OR4Q3: variants seen among roughly 807,000 people sequenced by gnomAD.
OR4Q3 encodes the protein olfactory receptor family 4 subfamily Q member 3.
Under a neutral mutation model 18.8 loss-of-function variants are expected in OR4Q3, and 17 were observed. The ratio of observed to expected loss-of-function variants is 0.91; its 90% CI spans 0.62 to 1.36. OR4Q3 has a LOEUF of 1.36. Ranked by LOEUF, OR4Q3 falls within the 40% of genes most tolerant of loss-of-function variation. The pLI is 0.00. For synonymous variants in OR4Q3, 158 were observed against 145.8 expected (o/e 1.08, Z -0.60); for missense variants, 378 against 373.4 (o/e 1.01, Z -0.10).
intron 1 of OR4Q3, among the ~76,000 whole-genome samples, chr14:19,745,778 G>A: frequency 0.13 from 19,254 of 149,582 alleles, 567 homozygotes; most frequent in South Asian, 0.23. Context: ...GAGCTCAAGT[G>A]AGGCTGTACA....
intron 1 of OR4Q3, among the ~76,000 whole-genome samples, chr14:19,744,726 C>T (rs1191687279): frequency 6.6e-6 from 1 of 152,160 alleles, no homozygotes; most frequent in Non-Finnish European, 1.5e-5. Context: ...TCTCATCTTA[C>T]TGCTAATGGG....
At chr14:19,747,814 C>T in exon 2 of OR4Q3, 1 of 1,613,932 alleles carries the variant, frequency 6.2e-7, no homozygotes, top group Non-Finnish European at 8.5e-7. Flanking sequence ...CCATCTGTAA[C>T]CCTTTGCGCT....
chr14:19,747,364 T>C, intron 1 of OR4Q3, 42 bp from the exon 2 acceptor site: 5 of 1,106,642 alleles, frequency 4.5e-6, no homozygotes, highest in Non-Finnish European at 6.6e-6. Context: ...CACATATATA[T>C]CTACCTTAAA....
chr14:19,747,219 A>C, intron 1 of OR4Q3, among the ~76,000 whole-genome samples, 187 bp from the exon 2 acceptor site: 19,108 of 149,350 alleles, frequency 0.13, 564 homozygotes, highest in South Asian at 0.23. Flanking sequence ...GCACTACAGG[A>C]ATAAAGAGTT....
downstream of OR4Q3, among the ~76,000 whole-genome samples, chr14:19,749,667 A>C: frequency 1.4e-5 from 2 of 146,302 alleles, no homozygotes; most frequent in African/African-American, 2.5e-5. Context: ...AATTAAGTTA[A>C]TATTTTATTT....
In OR4Q3 at chr14:19,745,080, C is replaced by T; in HGVS notation, c.2+1409C>T. Among the ~76,000 whole-genome samples, 893 of 152,106 alleles carry T rather than the reference C, an allele frequency of 5.9e-3. 2 individuals carry two copies. Among genetic ancestry groups the T allele is most frequent in the African/African-American group, 0.02 (809 of 41,434 alleles). On this transcript the variant is annotated intron_variant, in intron 1 of 1. Transcript: ENST00000642117. ...AGAATAACCAGAATCCAGCCCTTAC[C>T]TTGATTAAAACTCAAATAACTGACA...
chr14:19,749,810 C>A, downstream of OR4Q3, among the ~76,000 whole-genome samples: 1 of 119,652 alleles, frequency 8.4e-6, no homozygotes, highest in Non-Finnish European at 1.8e-5. Flanking sequence ...CTCTTTCTCT[C>A]TATTTCTTAG....
chr14:19,747,721 C>G, exon 2 of OR4Q3: 2 of 1,613,738 alleles, frequency 1.2e-6, no homozygotes, highest in Admixed American at 3.3e-5. Flanking sequence ...TTTCAGGATG[C>G]CTGGCCCAGA....
chr14:19,751,748 CT>C, downstream of OR4Q3, among the ~76,000 whole-genome samples: 2 of 149,132 alleles, frequency 1.3e-5, no homozygotes, highest in East Asian at 3.9e-4. Flanking sequence ...CATTTTTGTC[CT>C]TTTTGACTGT....
exon 2 of OR4Q3, chr14:19,748,540 A>G: frequency 2.3e-5 from 14 of 599,534 alleles, no homozygotes; most frequent in Admixed American, 3.3e-5. Flanking sequence ...GTGGCACTCT[A>G]GAAAGCCACC....
chr14:19,747,987 A>G, exon 2 of OR4Q3: 1 of 1,614,072 alleles, frequency 6.2e-7, no homozygotes, highest in Non-Finnish European at 8.5e-7. Context: ...CAAGTCATCA[A>G]GCTGGCCTGC....
At chr14:19,751,680 A>T, downstream of OR4Q3, among the ~76,000 whole-genome samples, 1 of 152,092 alleles carries the variant, frequency 6.6e-6, no homozygotes, top group African/African-American at 2.4e-5. Context: ...GTGTGCATAG[A>T]GTTGTTCATA....
exon 2 of OR4Q3, chr14:19,748,225 C>A: frequency 6.2e-7 from 1 of 1,614,056 alleles, no homozygotes; most frequent in Non-Finnish European, 8.5e-7. Context: ...TCTGCAGCTT[C>A]TCTGTGGATA....
chr14:19,744,426 A>G (rs1421227510), intron 1 of OR4Q3, among the ~76,000 whole-genome samples: 1 of 152,186 alleles, frequency 6.6e-6, no homozygotes, highest in Non-Finnish European at 1.5e-5. Context: ...CACAAGTACC[A>G]GGAGAAAAAT....
intron 1 of OR4Q3, among the ~76,000 whole-genome samples, chr14:19,744,513 G>A (rs559337714): frequency 2.6e-5 from 4 of 152,294 alleles, no homozygotes; most frequent in African/African-American, 9.6e-5. Flanking sequence ...CAGCTGCTTA[G>A]CTGTACACAA....
intron 1 of OR4Q3, among the ~76,000 whole-genome samples, chr14:19,745,765 G>A: frequency 1.1e-4 from 16 of 152,278 alleles, no homozygotes; most frequent in Admixed American, 5.2e-4. Flanking sequence ...TTTCAATATA[G>A]CAGAGCTCAA....
downstream of OR4Q3, among the ~76,000 whole-genome samples, chr14:19,750,158 T>C: frequency 3.9e-5 from 6 of 152,140 alleles, no homozygotes; most frequent in South Asian, 2.1e-4. Context: ...CTAATTTTTG[T>C]ATTTTTAGTA....
chr14:19,745,589 C>T, intron 1 of OR4Q3, among the ~76,000 whole-genome samples: 4 of 152,144 alleles, frequency 2.6e-5, no homozygotes, highest in Admixed American at 6.6e-5. Flanking sequence ...TTCTCTTTCT[C>T]AGACTTTTCC....
At position 19,747,924 on chromosome 14, in the gene OR4Q3, AG is replaced by A; in HGVS notation, c.522del (p.Gln174HisfsTer31). The A allele has an allele frequency of 2.5e-6, 4 of 1,614,032 alleles. No homozygotes were observed. The East Asian group carries it at 8.9e-5, about 36-fold the overall frequency. On this transcript the variant is annotated frameshift_variant, in exon 2 of 2. Coordinates refer to ENST00000642117, the Ensembl canonical transcript of OR4Q3. LOFTEE classifies it high-confidence loss of function. ...ATCATGCAGGTCATACTAGTCATCC[AG>A]CTGCCTTTCTGTGGGCCCAATGAAC...
Sources: allele counts gnomAD v4.1 joint callset (sites outside exome capture counted in the v4.1 genomes callset), GRCh38; gene constraint gnomAD v4.1.1; transcripts MANE v1.5; gene names NCBI Gene and HGNC (gene_info 2026-07-23, HGNC 2026-07-21).